Variants in PROKR2 observed in about 807,000 individuals in gnomAD.
The protein encoded by PROKR2 is G protein-coupled receptor 73-like 1.
In PROKR2, 26 loss-of-function variants were observed where a neutral mutation model predicts 23.4. The ratio of observed to expected loss-of-function variants is 1.11; its 90% CI spans 0.81 to 1.54. The LOEUF (loss-of-function observed/expected upper bound fraction) is 1.54, where lower values mean the gene tolerates loss of function less well. PROKR2 is among the 40% of genes most tolerant of loss of function. The pLI is 0.00. For missense variants in PROKR2, 453 were observed against 511.5 expected (o/e 0.89, Z 1.10); for synonymous variants, 212 against 201.2 (o/e 1.05, Z -0.45).
At chr20:5,307,570 G>A (rs1979265940) in intron 2 of PROKR2, among the ~76,000 whole-genome samples, 1 of 152,264 alleles carries the variant, frequency 6.6e-6, no homozygotes, top group Admixed American at 6.5e-5. Context: ...CAGAGGTGCT[G>A]CGCAACGAAT....
chr20:5,300,346 C>G lies in PROKR2; in HGVS notation c.*1694G>C, dbSNP rs752582740. 7.2e-5 allele frequency among the ~76,000 whole-genome samples: 11 copies of G among 152,142 alleles called. No individual in the cohort carries two copies. Among genetic ancestry groups the G allele is most frequent in the Non-Finnish European group, 1.6e-4 (11 of 68,010 alleles). On this transcript the variant is annotated 3_prime_UTR_variant, in exon 3 of 3. Coordinates refer to ENST00000678254, the MANE Select transcript of PROKR2 (RefSeq NM_144773.4). ...GAGGTTAAATTTCCCAGATTATAAC[C>G]AAGAACAGGGATCCCTTTTTGGCCC... is the stretch of plus-strand genomic sequence containing the variant.
At position 5,301,080 on chromosome 20, in the gene PROKR2, AG is replaced by A. The variant is rs1232267454; in HGVS notation, c.*959del. ...CCTAGAGAATGCCCTGGGAGGCAGTAGGAGGTGGGTGGGAAAGTTCAGTATG... is the reference window on the plus strand; with the variant it reads ...CCTAGAGAATGCCCTGGGAGGCAGTAGAGGTGGGTGGGAAAGTTCAGTATG... On this transcript the variant is annotated 3_prime_UTR_variant, in exon 3 of 3. Transcript: ENST00000678254. Among the ~76,000 whole-genome samples the A allele has an allele frequency of 6.6e-6, 1 of 152,172 alleles. No individual in the cohort carries two copies. Among genetic ancestry groups the A allele is most frequent in the East Asian group, 1.9e-4 (1 of 5,196 alleles).
Position 5,299,855 on chromosome 20 carries a change from C to T in PROKR2, c.*2185G>A, listed in dbSNP as rs553629710. Among the ~76,000 whole-genome samples, 72 of 152,234 alleles carry T rather than the reference C, an allele frequency of 4.7e-4. No homozygotes were observed. In the South Asian group the frequency reaches 4.8e-3, roughly 10 times the overall value. ...GGCCAGGCTGGTCTTGAACTCCTGA[C>T]CTCAGGTGATCTGCCCATCTTGGCC... On this transcript the variant is annotated 3_prime_UTR_variant, in exon 3 of 3. Coordinates refer to ENST00000678254, the MANE Select transcript of PROKR2 (RefSeq NM_144773.4).
In PROKR2 at chr20:5,301,606, G is replaced by C. The variant is rs1427080907; in HGVS notation, c.*434C>G. On this transcript the variant is annotated 3_prime_UTR_variant, in exon 3 of 3. Transcript: ENST00000678254. ...GGAGGGTGAACTATCTATATATCTGGAGATAGCTTGGAAACTCCAATAGCT... is the reference window on the plus strand; with the variant it reads ...GGAGGGTGAACTATCTATATATCTGCAGATAGCTTGGAAACTCCAATAGCT... Among the ~76,000 whole-genome samples, 1 of 152,220 alleles carries C rather than the reference G, an allele frequency of 6.6e-6. No homozygotes were observed. Among genetic ancestry groups the C allele is most frequent in the African/African-American group, 2.4e-5 (1 of 41,446 alleles).
At position 5,313,916 on chromosome 20, in the gene PROKR2, C is replaced by A; in HGVS notation, c.454G>T (p.Asp152Tyr). ...STNALLAIAI[D>Y]RYLAIVHPLK... ...CACCCCACCCACCATCCTCACCTGT[C>A]AATGGCAATGGCCAGCAAGGCATTG... Residue 152 changes from aspartate to tyrosine, a missense_variant, in exon 2 of 3, where the codon GAC (aspartate) becomes TAC (tyrosine). By Grantham distance (160) the Asp-to-Tyr change is radical (BLOSUM62 -3). Transcript: ENST00000678254. 1 of 1,614,054 alleles carries A rather than the reference C, an allele frequency of 6.2e-7. No homozygotes were observed. Among genetic ancestry groups the A allele is most frequent in the South Asian group, 1.1e-5 (1 of 91,066 alleles).
chr20:5,315,903 C>T (rs910972), intron 1 of PROKR2: 104,785 of 456,182 alleles, frequency 0.23, 12,765 homozygotes, highest in Middle Eastern at 0.29. Flanking sequence ...GGCGCGCGCC[C>T]GGGCTGGGAC....
chr20:5,311,229 A>G (rs1262748966), intron 2 of PROKR2, among the ~76,000 whole-genome samples: 4 of 152,188 alleles, frequency 2.6e-5, no homozygotes, highest in Non-Finnish European at 5.9e-5. Flanking sequence ...AGCTGGAAGG[A>G]GAGCTGCCAT....
chr20:5,308,196 C>T (rs56172101), intron 2 of PROKR2, among the ~76,000 whole-genome samples: 75,604 of 150,044 alleles, frequency 0.5, 19,008 homozygotes, highest in African/African-American at 0.59. Context: ...GAACAGGCCC[C>T]CCCCCCTCAA....
chr20:5,314,497 G>A, intron 1 of PROKR2, 120 bp from the exon 2 acceptor site: 1 of 837,738 alleles, frequency 1.2e-6, no homozygotes, highest in Admixed American at 2.0e-5. Context: ...TCACCGTCCT[G>A]GATCCTGGAA....
intron 1 of PROKR2, chr20:5,315,627 G>C (rs1979637178): frequency 2.9e-6 from 1 of 348,334 alleles, no homozygotes; most frequent in African/African-American, 2.1e-5. Context: ...CCTGCGAGGG[G>C]AGGAGAACGC....
At chr20:5,305,462 G>T (rs983213604) in intron 2 of PROKR2, among the ~76,000 whole-genome samples, 1 of 152,232 alleles carries the variant, frequency 6.6e-6, no homozygotes, top group Non-Finnish European at 1.5e-5. Flanking sequence ...CGTTGATTCA[G>T]ATTACAATAG....
chr20:5,305,346 A>G (rs2122209677), intron 2 of PROKR2, among the ~76,000 whole-genome samples: 1 of 152,366 alleles, frequency 6.6e-6, no homozygotes, highest in African/African-American at 2.4e-5. Flanking sequence ...GAACCCCCGC[A>G]AAAGGTCCCA....
At position 5,299,948 on chromosome 20, in the gene PROKR2, T is replaced by G. The variant is rs1195777972; in HGVS notation, c.*2092A>C. On this transcript the variant is annotated 3_prime_UTR_variant, in exon 3 of 3. Coordinates refer to ENST00000678254, the MANE Select transcript of PROKR2 (RefSeq NM_144773.4). Reference sequence around the variant, plus strand: ...CTGCATTTTCTGAGAGTACAATGATTGGGCTGAAGGTGAGTCTGCTGGGTG... The same window carrying G: ...CTGCATTTTCTGAGAGTACAATGATGGGGCTGAAGGTGAGTCTGCTGGGTG... Among the ~76,000 whole-genome samples the G allele has an allele frequency of 6.6e-6, 1 of 152,172 alleles. No homozygotes were observed. The highest frequency in any genetic ancestry group is 2.4e-5 in the African/African-American group (1 of 41,448).
Position 5,316,234 on chromosome 20 carries a change from G to A in PROKR2, c.-9+260C>T, listed in dbSNP as rs778071487. ...AATTTGGAGCTCGTCCGCGAGCTCA[G>A]CTACCCGCTGGCTCCCTCTGCCCGC... is the stretch of plus-strand genomic sequence containing the variant. On this transcript the variant is annotated intron_variant, in intron 1 of 2. Coordinates refer to ENST00000678254, the MANE Select transcript of PROKR2 (RefSeq NM_144773.4). The surrounding 1 kb of genome is among the most constrained non-coding windows in gnomAD (Gnocchi z 5.0). The A allele has an allele frequency of 4.4e-6, 2 of 456,638 alleles. No individual in the cohort carries two copies. Among genetic ancestry groups the A allele is most frequent in the South Asian group, 3.1e-5 (2 of 64,570 alleles). 28.3% of individuals were successfully genotyped at this position (456,638 alleles called of 1,614,324 possible).
chr20:5,308,478 G>A (rs868203416), intron 2 of PROKR2, among the ~76,000 whole-genome samples: 2 of 72,402 alleles, frequency 2.8e-5, no homozygotes, highest in Non-Finnish European at 2.9e-5. Flanking sequence ...CCTTCATTTC[G>A]GCCCATCCCT....
intron 2 of PROKR2, among the ~76,000 whole-genome samples, chr20:5,312,027 A>G (rs1979461854): frequency 6.6e-6 from 1 of 152,214 alleles, no homozygotes. Context: ...GAATCACTCA[A>G]GGAATTAGAT....
At position 5,299,819 on chromosome 20, in the gene PROKR2, TTG is replaced by T. The variant is rs148890782; in HGVS notation, c.*2219_*2220del. 0.67 allele frequency among the ~76,000 whole-genome samples: 101,544 copies of T among 151,484 alleles called. 34,739 individuals are homozygous for T. Among genetic ancestry groups the T allele is most frequent in the South Asian group, 0.76 (3,668 of 4,812 alleles). On this transcript the variant is annotated 3_prime_UTR_variant, in exon 3 of 3. Transcript: ENST00000678254. ...CTGTATTTTTCTAGAGATGGGGTTT[TTG>T]GCCATGTTGGCCAGGCTGGTCTTGA...
rs1979705260 is a variant in PROKR2 at position 5,316,945 on chromosome 20, C to CTGTG, written c.-461_-460insCACA. 6.6e-6 allele frequency among the ~76,000 whole-genome samples: 1 copy of CTGTG among 152,264 alleles called. No individual in the cohort carries two copies. Among genetic ancestry groups the CTGTG allele is most frequent in the African/African-American group, 2.4e-5 (1 of 41,468 alleles). ...TCTCGCACGGATTTCAGCGCCTTCGCATCCCGTCTGAATCGGACCACACAG... is the reference window on the plus strand; with the variant it reads ...TCTCGCACGGATTTCAGCGCCTTCGCTGTGATCCCGTCTGAATCGGACCACACAG... On this transcript the variant is annotated 5_prime_UTR_variant, in exon 1 of 3. An upstream start codon of the reference 5' UTR is lost. Coordinates refer to ENST00000678254, the MANE Select transcript of PROKR2 (RefSeq NM_144773.4). This position sits in a 1 kb window ranked among gnomAD's most constrained non-coding sequence, Gnocchi z 5.0.
Position 5,314,032 on chromosome 20 carries a change from T to A in PROKR2, c.338A>T (p.Tyr113Phe). Residue 113 changes from tyrosine to phenylalanine, a missense_variant, in exon 2 of 3, where the codon TAC becomes TTC. Transcript: ENST00000678254. ...CCAGGAGAGCTGCCGTACCACGTAG[T>A]AGTCCATCTCGAAGGGGCAGCAGAT... ...AIICCPFEMD[Y>F]YVVRQLSWEH... 6.2e-7 allele frequency: 1 copy of A among 1,614,188 alleles called. No individual in the cohort carries two copies. Among genetic ancestry groups the A allele is most frequent in the Non-Finnish European group, 8.5e-7 (1 of 1,180,022 alleles).
Sources: allele counts gnomAD v4.1 joint callset (sites outside exome capture counted in the v4.1 genomes callset), GRCh38; gene constraint gnomAD v4.1.1; non-coding constraint Gnocchi (gnomAD v3.1); transcripts MANE v1.5; gene names NCBI Gene and HGNC (gene_info 2026-07-23, HGNC 2026-07-21).